Variants in RP1 observed in about 807,000 individuals in gnomAD.
RP1 encodes the protein RP1 axonemal microtubule associated.
RP1 carries 16 observed loss-of-function variants against 14.8 expected under a neutral mutation model. The observed-to-expected ratio is 1.08, with a 90% CI of 0.73 to 1.65. RP1 has a LOEUF of 1.65. RP1 is among the 40% of genes most tolerant of loss of function. RP1 has a pLI of 0.00. For missense variants in RP1, 2,631 were observed against 2,535.0 expected, an observed-to-expected ratio of 1.04 and a Z score of -0.81; for synonymous variants, 876 against 883.6, an observed-to-expected ratio of 0.99 and a Z score of 0.15.
At chr8:54,794,256 C>T (rs1259377439) in intron 24 of RP1, among the ~76,000 whole-genome samples, 1 of 151,292 alleles carries the variant, frequency 6.6e-6, no homozygotes, top group Non-Finnish European at 1.5e-5. Flanking sequence ...ATAGTCAAAG[C>T]ATTCTTGAAA....
chr8:54,600,138 A>G (rs1805240881), intron 1 of RP1, among the ~76,000 whole-genome samples: 1 of 152,134 alleles, frequency 6.6e-6, no homozygotes. Flanking sequence ...GAGGTAACTG[A>G]ATGATGAGGG....
chr8:54,626,866 T>A lies in RP1; in HGVS notation c.2984T>A (p.Ile995Asn), dbSNP rs1364149794. 2.5e-6 allele frequency: 4 copies of A among 1,613,874 alleles called. No individual in the cohort carries two copies. Residue 995 changes from isoleucine to asparagine, a missense_variant, in exon 4 of 4, where the codon ATT becomes AAT. Physicochemically the swap from Ile to Asn is moderately radical, Grantham distance 149 (BLOSUM62 -3). Transcript: ENST00000220676. ...NLCKEGDKSFIANDTGEEDLH... is the reference protein window; with the variant it reads ...NLCKEGDKSFNANDTGEEDLH... ...TGTAAAGAGGGAGATAAGTCTTTTA[T>A]TGCCAATGACACTGGTGAAGAAGAT...
chr8:54,585,130 G>T (rs1804890311), intron 1 of RP1, among the ~76,000 whole-genome samples: 1 of 152,156 alleles, frequency 6.6e-6, no homozygotes, highest in Non-Finnish European at 1.5e-5. Context: ...TTTTTGCAGT[G>T]GTTGGTACCG....
intron 1 of RP1, among the ~76,000 whole-genome samples, chr8:54,572,463 G>T (rs1804543778): frequency 6.6e-6 from 1 of 152,108 alleles, no homozygotes. Flanking sequence ...CAAGTCATTT[G>T]TCTGGATAGC....
chr8:54,747,180 C>G (rs772468295), intron 19 of RP1, among the ~76,000 whole-genome samples: 1 of 152,114 alleles, frequency 6.6e-6, no homozygotes, highest in Non-Finnish European at 1.5e-5. Flanking sequence ...TTTTTCACCC[C>G]CCTCAGTATC....
At chr8:54,716,447 G>A (rs1222353421) in intron 15 of RP1, among the ~76,000 whole-genome samples, 3 of 152,052 alleles carry the variant, frequency 2.0e-5, no homozygotes, top group Non-Finnish European at 4.4e-5. Flanking sequence ...ACGGGACATA[G>A]ACCATTCTTG....
At chr8:54,730,141 A>G (rs369153953) in intron 17 of RP1, among the ~76,000 whole-genome samples, 276 of 152,210 alleles carry the variant, frequency 1.8e-3, no homozygotes, top group Middle Eastern at 3.4e-3. Flanking sequence ...AGATAATCCT[A>G]ATCACTTGAA....
intron 1 of RP1, among the ~76,000 whole-genome samples, chr8:54,589,693 C>G (rs1024866596): frequency 1.3e-5 from 2 of 152,170 alleles, no homozygotes; most frequent in Non-Finnish European, 2.9e-5. Context: ...CTAATTGGAG[C>G]TCAAGATGTG....
intron 1 of RP1, among the ~76,000 whole-genome samples, chr8:54,610,794 C>T (rs78690876): frequency 0.014 from 2,189 of 152,290 alleles, 52 homozygotes; most frequent in African/African-American, 0.049. Context: ...GAGTAATCCT[C>T]ACTTCTTGCT....
At chr8:54,726,105 T>C (rs1409730989) in intron 16 of RP1, among the ~76,000 whole-genome samples, 1 of 152,136 alleles carries the variant, frequency 6.6e-6, no homozygotes, top group Non-Finnish European at 1.5e-5. Context: ...ATGTTAACTA[T>C]CGTTCGGATT....
Position 54,824,133 on chromosome 8 carries a change from G to GT in RP1, c.3616-13307dup, listed in dbSNP as rs71254594. On this transcript the variant is annotated intron_variant, in intron 24 of 28. Transcript: ENST00000637698. ...CATTTTCTAATTGGATTGTTTGTGT[G>GT]TTTTTTTTTTAATATTGAGCTTTTA... Among the ~76,000 whole-genome samples the GT allele has an allele frequency of 4.1e-3, 616 of 149,308 alleles. 1 individual carries two copies. The highest frequency in any genetic ancestry group is 0.013 in the African/African-American group (513 of 40,582).
chr8:54,570,556 G>A (rs537067536), intron 1 of RP1, among the ~76,000 whole-genome samples: 5 of 151,744 alleles, frequency 3.3e-5, no homozygotes, highest in Admixed American at 6.6e-5. Context: ...TCGAACTCCT[G>A]ACCTCTGGTG....
At chr8:54,782,151 T>C (rs1000036082) in intron 23 of RP1, among the ~76,000 whole-genome samples, 3 of 152,216 alleles carry the variant, frequency 2.0e-5, no homozygotes, top group Non-Finnish European at 2.9e-5. Context: ...CAATGGGACT[T>C]AGTTTTAGAT....
chr8:54,603,368 G>A, intron 1 of RP1, among the ~76,000 whole-genome samples: 2 of 152,040 alleles, frequency 1.3e-5, no homozygotes, highest in East Asian at 3.9e-4. Context: ...CATTATTTCT[G>A]AGGGCTCTGT....
chr8:54,727,806 A>C lies in RP1; in HGVS notation c.2521+1330A>C, dbSNP rs142470298. Reference sequence around the variant, plus strand: ...GATAAACATTAAACAATCACACAAAAATGGAAGGCTAAAACCTGATAATTG... The same window carrying C: ...GATAAACATTAAACAATCACACAAACATGGAAGGCTAAAACCTGATAATTG... On this transcript the variant is annotated intron_variant, in intron 17 of 22. Transcript: ENST00000636932. 2.3e-4 allele frequency among the ~76,000 whole-genome samples: 35 copies of C among 152,058 alleles called. No homozygotes were observed. In the East Asian group the frequency reaches 6.4e-3, roughly 28 times the overall value.
At chr8:54,742,646 G>A (rs952525598) in intron 19 of RP1, among the ~76,000 whole-genome samples, 1 of 152,218 alleles carries the variant, frequency 6.6e-6, no homozygotes, top group Non-Finnish European at 1.5e-5. Flanking sequence ...ATTCTAAGAT[G>A]AGAAAAGCAA....
At chr8:54,635,722 A>C (rs887310598), downstream of RP1, among the ~76,000 whole-genome samples, 2 of 152,146 alleles carry the variant, frequency 1.3e-5, no homozygotes, top group Admixed American at 6.5e-5. Flanking sequence ...TCTTTGACCC[A>C]AAACCCAACA....
chr8:54,780,864 C>T, intron 23 of RP1: 1 of 942,480 alleles, frequency 1.1e-6, no homozygotes, highest in Non-Finnish European at 1.3e-6. Context: ...TTCTCTAGGT[C>T]AGTTTTACAT....
At chr8:54,840,171 C>T (rs1483673186) in intron 25 of RP1, among the ~76,000 whole-genome samples, 4 of 151,974 alleles carry the variant, frequency 2.6e-5, no homozygotes, top group Non-Finnish European at 5.9e-5. Context: ...TATTGAAATC[C>T]ATGGTACTGA....
Sources: gnomAD v4.1 joint callset for allele counts (sites outside exome capture counted in the v4.1 genomes callset) on GRCh38, gnomAD v4.1.1 for gene constraint, MANE v1.5 for transcripts, NCBI Gene and HGNC (gene_info 2026-07-23, HGNC 2026-07-21) for gene names.